Variants in APLF observed in about 807,000 individuals in gnomAD.
APLF encodes the protein aprataxin and PNK-like factor.
A neutral mutation model predicts 55.6 loss-of-function variants in APLF; 61 were observed. The ratio of observed to expected loss-of-function variants is 1.10; its 90% CI spans 0.89 to 1.36. The LOEUF is 1.36. Among genes scored for constraint, APLF ranks in the 40% most tolerant of loss-of-function variants. APLF has a pLI of 0.00. For missense variants in APLF, 611 were observed against 602.5 expected, an observed-to-expected ratio of 1.01 and a Z score of -0.15; for synonymous variants, 207 against 214.8, an observed-to-expected ratio of 0.96 and a Z score of 0.32.
At chr2:68,503,876 C>T (rs1676797462) in intron 3 of APLF, among the ~76,000 whole-genome samples, 1 of 151,644 alleles carries the variant, frequency 6.6e-6, no homozygotes, top group Non-Finnish European at 1.5e-5. Flanking sequence ...TAGAAAATGG[C>T]CAAAATAAAA....
At chr2:68,495,460 G>A (rs1485898320) in intron 2 of APLF, among the ~76,000 whole-genome samples, 2 of 152,210 alleles carry the variant, frequency 1.3e-5, no homozygotes, top group East Asian at 3.8e-4. Context: ...TGGGCACACT[G>A]ATGCCAAGGG....
intron 6 of APLF, among the ~76,000 whole-genome samples, chr2:68,536,187 A>G (rs746575316): frequency 1.5e-4 from 23 of 152,262 alleles, no homozygotes; most frequent in Admixed American, 1.0e-3. Flanking sequence ...GCGTGGGAGC[A>G]AAGAGCGTAT....
At chr2:68,551,591 A>ATTCTTC (rs59446184) in intron 8 of APLF, among the ~76,000 whole-genome samples, 67 of 136,178 alleles carry the variant, frequency 4.9e-4, no homozygotes, top group African/African-American at 1.9e-3. Flanking sequence ...TGTTTATTTA[A>ATTCTTC]TTCTTCTTCT....
chr2:68,573,485 C>A (rs1159382786), intron 9 of APLF, among the ~76,000 whole-genome samples: 3 of 151,998 alleles, frequency 2.0e-5, no homozygotes, highest in Non-Finnish European at 2.9e-5. Flanking sequence ...CCAGCCTGAC[C>A]AAAATGGTGG....
chr2:68,498,715 T>C (rs756511086), intron 2 of APLF, among the ~76,000 whole-genome samples: 25 of 152,260 alleles, frequency 1.6e-4, no homozygotes, highest in Non-Finnish European at 2.9e-4. Context: ...AATGACTGTA[T>C]CACCAGTGAT....
At chr2:68,562,456 C>G (rs1051397651) in intron 8 of APLF, among the ~76,000 whole-genome samples, 4 of 151,902 alleles carry the variant, frequency 2.6e-5, no homozygotes, top group Non-Finnish European at 4.4e-5. Context: ...TGCCCTCCAG[C>G]CGCTGATTTG....
At chr2:68,518,106 TATATC>T (rs1473239498) in intron 5 of APLF, among the ~76,000 whole-genome samples, 1 of 131,498 alleles carries the variant, frequency 7.6e-6, no homozygotes, top group Admixed American at 8.6e-5. Flanking sequence ...TAATATATAA[TATATC>T]ATATACAATA....
intron 8 of APLF, among the ~76,000 whole-genome samples, chr2:68,564,151 G>A (rs1401776932): frequency 1.3e-5 from 2 of 151,970 alleles, no homozygotes; most frequent in South Asian, 2.1e-4. Context: ...ATTTAATTAA[G>A]TCAGTGACCT....
intron 2 of APLF, among the ~76,000 whole-genome samples, chr2:68,490,615 T>C (rs908843859): frequency 2.6e-5 from 4 of 152,186 alleles, no homozygotes; most frequent in East Asian, 1.9e-4. Context: ...TTAAATGTTA[T>C]AGGGTTATAT....
At position 68,528,859 on chromosome 2, in the gene APLF, G is replaced by A. The variant is rs2103988645; in HGVS notation, c.804+2617G>A. ...CATTTCCCTCCAAGGGCCTGGGATTGTACCAGGAGGAAGTGAGGTTTCCCT... is the reference window on the plus strand; with the variant it reads ...CATTTCCCTCCAAGGGCCTGGGATTATACCAGGAGGAAGTGAGGTTTCCCT... On this transcript the variant is annotated intron_variant, in intron 6 of 9. Coordinates refer to ENST00000303795, the MANE Select transcript of APLF (RefSeq NM_173545.3). 2.6e-6 allele frequency: 4 copies of A among 1,523,006 alleles called. No homozygotes were observed. The Admixed American group carries it at 7.8e-5, about 30-fold the overall frequency. 94.3% of individuals were successfully genotyped at this position (1,523,006 alleles called of 1,614,324 possible). A position where few individuals can be genotyped will look rare whatever the true frequency, so the allele number is the denominator to read the frequency against.
chr2:68,471,903 A>G (rs918658985), intron 1 of APLF, among the ~76,000 whole-genome samples: 1 of 152,170 alleles, frequency 6.6e-6, no homozygotes, highest in Non-Finnish European at 1.5e-5. Flanking sequence ...CATGTTCCCA[A>G]GATGGTCAGG....
intron 5 of APLF, among the ~76,000 whole-genome samples, chr2:68,518,622 GA>G (rs1261384067): frequency 1.7e-5 from 2 of 119,226 alleles, no homozygotes; most frequent in African/African-American, 6.6e-5. Context: ...AATATATCAT[GA>G]ATATATAATA....
At chr2:68,528,742 A>G in intron 6 of APLF, 1 of 1,500,216 alleles carries the variant, frequency 6.7e-7, no homozygotes, top group Non-Finnish European at 9.0e-7. Flanking sequence ...GGCTGTGTGA[A>G]CTGGCGACTC....
chr2:68,528,194 G>T, intron 6 of APLF: 1 of 830,604 alleles, frequency 1.2e-6, no homozygotes, highest in Non-Finnish European at 1.9e-6. Flanking sequence ...CCGCCCACCT[G>T]GGCCTCCCAA....
intron 5 of APLF, among the ~76,000 whole-genome samples, chr2:68,515,079 A>G (rs1053656575): frequency 6.6e-6 from 1 of 151,798 alleles, no homozygotes; most frequent in African/African-American, 2.4e-5. Context: ...TTTGGATCAC[A>G]TATATTATGT....
chr2:68,483,291 G>A (rs1197927930), intron 1 of APLF, among the ~76,000 whole-genome samples: 2 of 152,192 alleles, frequency 1.3e-5, no homozygotes, highest in Non-Finnish European at 1.5e-5. Flanking sequence ...GGATTCTCCT[G>A]TAGTAAGGAC....
At chr2:68,565,941 T>G (rs535555471) in intron 8 of APLF, among the ~76,000 whole-genome samples, 1 of 152,128 alleles carries the variant, frequency 6.6e-6, no homozygotes, top group South Asian at 2.1e-4. Flanking sequence ...AGCACAAACC[T>G]GGGGGTGAAC....
intron 1 of APLF, among the ~76,000 whole-genome samples, chr2:68,487,300 A>T (rs1453634406): frequency 1.3e-5 from 2 of 152,104 alleles, no homozygotes; most frequent in African/African-American, 4.8e-5. Flanking sequence ...ATCATCTTAA[A>T]AACAGGTTTT....
rs571167655 is a variant in APLF, at chr2:68,509,432, C to G, written c.342-3648C>G. ...AGATATGAACAGACACTTCTCAAAA[C>G]AAGACATTTATGCAGCCAACAGACA... On this transcript the variant is annotated intron_variant, in intron 3 of 9. Transcript: ENST00000303795. 8.0e-4 allele frequency among the ~76,000 whole-genome samples: 122 copies of G among 151,996 alleles called. 1 individual carries two copies. The highest frequency in any genetic ancestry group is 1.4e-3 in the Non-Finnish European group (92 of 67,980).
Sources: allele counts gnomAD v4.1 joint callset (sites outside exome capture counted in the v4.1 genomes callset), GRCh38; gene constraint gnomAD v4.1.1; transcripts MANE v1.5; gene names NCBI Gene and HGNC (gene_info 2026-07-23, HGNC 2026-07-21).